The following BBS2 variants were observed in gnomAD, a reference collection of about 807,000 sequenced individuals.
BBS2 encodes the protein BBSome complex member BBS2.
A neutral mutation model predicts 83.0 loss-of-function variants in BBS2; 62 were observed. The ratio of observed to expected loss-of-function variants is 0.75; its 90% CI spans 0.61 to 0.92. The LOEUF (loss-of-function observed/expected upper bound fraction) is 0.92, where lower values mean the gene tolerates loss of function less well. BBS2 is among the 40% of genes least tolerant of loss of function. BBS2 has a pLI of 0.00. For synonymous variants in BBS2, 303 were observed against 326.1 expected (o/e 0.93, Z 0.76); for missense variants, 784 against 901.0 (o/e 0.87, Z 1.66).
intron 15 of BBS2, among the ~76,000 whole-genome samples, chr16:56,496,725 A>G: frequency 6.6e-6 from 1 of 152,350 alleles, no homozygotes; most frequent in East Asian, 1.9e-4. Context: ...AAATATTCTT[A>G]TATAAATATC....
chr16:56,492,053 A>T (rs1399284929), intron 15 of BBS2, among the ~76,000 whole-genome samples: 42 of 151,694 alleles, frequency 2.8e-4, no homozygotes, highest in African/African-American at 9.6e-4. Flanking sequence ...TTTAATGATT[A>T]AATATTAAAA....
chr16:56,474,049 T>C (rs1421281795), intron 17 of BBS2, among the ~76,000 whole-genome samples: 2 of 152,206 alleles, frequency 1.3e-5, no homozygotes, highest in African/African-American at 4.8e-5. Flanking sequence ...CCTCAGGTGA[T>C]CTGCCTGCCT....
intron 15 of BBS2, among the ~76,000 whole-genome samples, chr16:56,495,776 G>A (rs1408171592): frequency 6.8e-6 from 1 of 146,030 alleles, no homozygotes; most frequent in Non-Finnish European, 1.5e-5. Flanking sequence ...ATGTGTGTGT[G>A]TGTGTGTGTG....
At chr16:56,479,731 C>T (rs1397402892), downstream of BBS2, among the ~76,000 whole-genome samples, 1 of 152,214 alleles carries the variant, frequency 6.6e-6, no homozygotes, top group Non-Finnish European at 1.5e-5. Flanking sequence ...CCTTGAGTAG[C>T]TGGCACACCT....
intron 17 of BBS2, chr16:56,477,293 C>G (rs1963525106): frequency 6.6e-6 from 1 of 152,226 alleles, no homozygotes; most frequent in South Asian, 2.1e-4. Flanking sequence ...GGCCTTGTTC[C>G]ACCATGACTC....
At chr16:56,482,731 C>A (rs1427216163), downstream of BBS2, among the ~76,000 whole-genome samples, 1 of 152,170 alleles carries the variant, frequency 6.6e-6, no homozygotes, top group Non-Finnish European at 1.5e-5. Context: ...AAGTTTCACT[C>A]ATTAAACCAG....
Position 56,501,359 on chromosome 16 carries a change from A to T in BBS2, c.1219T>A (p.Ser407Thr). The change falls in exon 10 of 17, where the codon TCT becomes ACT. Residue 407 changes from serine (S) to threonine (T), a missense_variant. Physicochemically the swap from Ser to Thr is moderately conservative, Grantham distance 58 (BLOSUM62 1). Coordinates refer to ENST00000245157, the MANE Select transcript of BBS2 (RefSeq NM_031885.5). ...TAHTELRIST[S>T]NDTIIRAVLI... ...GCTGTGAGTACTGTCTTACCATTAG[A>T]AGTGGAAATGCGTAATTCTGTATGA... The T allele has an allele frequency of 6.2e-7, 1 of 1,613,910 alleles. No individual in the cohort carries two copies. The highest frequency in any genetic ancestry group is 8.5e-7 in the Non-Finnish European group (1 of 1,180,010).
At position 56,500,952 on chromosome 16, in the gene BBS2, G is replaced by A. The variant is rs778194569; in HGVS notation, c.1299C>T (p.Ser433=). Residue 433 remains serine (S), a synonymous_variant, in exon 11 of 17, where the codon AGC becomes AGT. Coordinates refer to ENST00000245157, the MANE Select transcript of BBS2 (RefSeq NM_031885.5). The part of the protein sequence containing the change: ...FTGESHVVHP[S]IHNLSSSICI... ...AGATGGAACTGGAGAGGTTGTGAAT[G>A]CTGGGATGTACCACGTGGCTTTCAC... is the stretch of plus-strand genomic sequence containing the variant. The A allele has an allele frequency of 6.2e-7, 1 of 1,614,024 alleles. No homozygotes were observed. Among genetic ancestry groups the A allele is most frequent in the Non-Finnish European group, 8.5e-7 (1 of 1,180,008 alleles).
intron 15 of BBS2, among the ~76,000 whole-genome samples, chr16:56,495,382 T>C (rs1181048504): frequency 1.3e-5 from 2 of 152,214 alleles, no homozygotes; most frequent in African/African-American, 2.4e-5. Flanking sequence ...CGAAGTATTC[T>C]TGCCAAAATT....
downstream of BBS2, among the ~76,000 whole-genome samples, chr16:56,483,722 CAG>C (rs1417309865): frequency 2.7e-5 from 4 of 148,578 alleles, no homozygotes; most frequent in African/African-American, 7.4e-5. Flanking sequence ...TTTTTTGAGA[CAG>C]AGTTTTGCTC....
exon 18 of BBS2, chr16:56,470,447 C>T: frequency 1.3e-6 from 2 of 1,537,818 alleles, no homozygotes; most frequent in Non-Finnish European, 1.8e-6. Flanking sequence ...CATTTTACAT[C>T]TGTGGCTTTG....
chr16:56,475,632 C>G, intron 17 of BBS2: 2 of 1,340,292 alleles, frequency 1.5e-6, no homozygotes, highest in South Asian at 1.2e-5. Flanking sequence ...TTCAAAGACC[C>G]AATTTTTATG....
Position 56,475,624 on chromosome 16 carries a change from CAA to C in BBS2, c.*1-4931_*1-4930del, listed in dbSNP as rs1447842934. 4 of 1,449,166 alleles carry C rather than the reference CAA, an allele frequency of 2.8e-6. No homozygotes were observed. In the Admixed American group the frequency reaches 6.7e-5, roughly 24 times the overall value. 89.8% of individuals were successfully genotyped at this position (1,449,166 alleles called of 1,614,324 possible). ...AGTTATTGAGAATGCTTTCATTTTTCAAAGACCCAATTTTTATGACCTTCTAC... is the reference window on the plus strand; with the variant it reads ...AGTTATTGAGAATGCTTTCATTTTTCAGACCCAATTTTTATGACCTTCTAC... On this transcript the variant is annotated intron_variant, in intron 17 of 17. Coordinates refer to the BBS2 transcript ENST00000682047.
chr16:56,488,786 G>C (rs1963859648), intron 15 of BBS2, among the ~76,000 whole-genome samples: 2 of 151,630 alleles, frequency 1.3e-5, no homozygotes, highest in African/African-American at 2.4e-5. Context: ...GGTCGTTCTG[G>C]TGACTGACCC....
At chr16:56,517,944 C>T (rs563915064) in intron 1 of BBS2, among the ~76,000 whole-genome samples, 6 of 152,050 alleles carry the variant, frequency 3.9e-5, no homozygotes, top group Middle Eastern at 3.4e-3. Flanking sequence ...CTCAACCTCC[C>T]GAGTAGCTAG....
At chr16:56,486,462 A>C (rs1298050882) in intron 15 of BBS2, among the ~76,000 whole-genome samples, 2 of 152,226 alleles carry the variant, frequency 1.3e-5, no homozygotes, top group Non-Finnish European at 2.9e-5. Flanking sequence ...AATTATCCTC[A>C]GTTGGTGAAT....
intron 17 of BBS2, among the ~76,000 whole-genome samples, chr16:56,473,326 G>A (rs183127077): frequency 6.9e-4 from 105 of 152,288 alleles, no homozygotes; most frequent in African/African-American, 1.7e-3. Context: ...GAAAAACACC[G>A]TTCTCTAGTA....
At chr16:56,487,194 T>A (rs935760429) in intron 15 of BBS2, among the ~76,000 whole-genome samples, 1 of 146,868 alleles carries the variant, frequency 6.8e-6, no homozygotes, top group African/African-American at 2.5e-5. Context: ...TAATTTGATT[T>A]AAAAAAAAAA....
chr16:56,493,948 T>C (rs1964035897), intron 15 of BBS2, among the ~76,000 whole-genome samples: 2 of 152,110 alleles, frequency 1.3e-5, no homozygotes, highest in African/African-American at 2.4e-5. Context: ...TTGATACTGA[T>C]TGGAGCCATG....
Sources: allele counts gnomAD v4.1 joint callset (sites outside exome capture counted in the v4.1 genomes callset), GRCh38; gene constraint gnomAD v4.1.1; transcripts MANE v1.5; gene names NCBI Gene and HGNC (gene_info 2026-07-23, HGNC 2026-07-21).